SRGAP3: variants seen among roughly 807,000 people sequenced by gnomAD.
The protein encoded by SRGAP3 is SLIT-ROBO Rho GTPase activating protein 3.
A neutral mutation model predicts 121.1 loss-of-function variants in SRGAP3; 39 were observed. That is an observed-to-expected ratio of 0.32 (90% CI 0.25 to 0.42). SRGAP3 has a LOEUF of 0.42. Ranked by LOEUF, SRGAP3 falls within the 10% of genes least tolerant of loss-of-function variation. The probability of loss-of-function intolerance (pLI) is 1.00; values close to 1 mark genes in which losing one functional copy is unlikely to be tolerated. For missense variants in SRGAP3, 1,213 were observed against 1,470.6 expected, an observed-to-expected ratio of 0.82 and a Z score of 2.86; for synonymous variants, 601 against 570.0, an observed-to-expected ratio of 1.05 and a Z score of -0.77.
Position 9,015,633 on chromosome 3 carries a change from G to T in SRGAP3, c.1777C>A (p.Pro593Thr). ...YFRGLENPLF[P>T]KERFQDLIST... ...ATCAAATCTTGAAACCTTTCCTTAG[G>T]AAAGAGTGGGTTTTCCAGTCCTCGG... The change falls in exon 15 of 22, where the codon CCT (proline) becomes ACT (threonine). Residue 593 changes from proline to threonine, a missense_variant. This residue lies in a region of SRGAP3 where 793 missense variants were observed against 1,032.9 expected (regional missense o/e 0.77). Coordinates refer to ENST00000383836, the MANE Select transcript of SRGAP3 (RefSeq NM_014850.4). 1 of 1,614,112 alleles carries T rather than the reference G, an allele frequency of 6.2e-7. No individual in the cohort carries two copies. Among genetic ancestry groups the T allele is most frequent in the South Asian group, 1.1e-5 (1 of 91,074 alleles).
chr3:8,983,925 T>C lies in SRGAP3; in HGVS notation c.*1594A>G, dbSNP rs954753685. The C allele has an allele frequency of 5.2e-5, 12 of 229,546 alleles. No homozygotes were observed. Among genetic ancestry groups the C allele is most frequent in the African/African-American group, 2.7e-4 (12 of 45,174 alleles). The allele number at this position is 229,546 out of a possible 1,614,324, so 14.2% of individuals were successfully genotyped here. Reference sequence around the variant, plus strand: ...CGAGAGAGAGGAAGCGTGGGAACAGTAGGGAAAAGCCCCTGGGTCTCGCAG... The same window carrying C: ...CGAGAGAGAGGAAGCGTGGGAACAGCAGGGAAAAGCCCCTGGGTCTCGCAG... On this transcript the variant is annotated 3_prime_UTR_variant, in exon 22 of 22. Coordinates refer to ENST00000383836, the MANE Select transcript of SRGAP3 (RefSeq NM_014850.4).
intron 3 of SRGAP3, among the ~76,000 whole-genome samples, chr3:9,098,246 G>C (rs1464485539): frequency 6.6e-6 from 1 of 152,138 alleles, no homozygotes; most frequent in Non-Finnish European, 1.5e-5. Context: ...GGAGGACATT[G>C]TGTCTGAGTC....
At chr3:9,038,211 T>C in intron 10 of SRGAP3, 121 bp from the exon 11 acceptor site, 1 of 1,376,754 alleles carries the variant, frequency 7.3e-7, no homozygotes, top group Non-Finnish European at 1.0e-6. Context: ...TGAAATCTAA[T>C]TATGCCTAAG....
intron 1 of SRGAP3, chr3:9,193,688 C>G (rs1951831499): frequency 6.6e-6 from 1 of 152,326 alleles, no homozygotes; most frequent in African/African-American, 2.4e-5. Flanking sequence ...AACGTCTCCC[C>G]TTGGCCTGGG....
chr3:9,162,185 C>T (rs557455191), intron 1 of SRGAP3, among the ~76,000 whole-genome samples: 10 of 151,712 alleles, frequency 6.6e-5, no homozygotes, highest in Admixed American at 1.3e-4. Flanking sequence ...GTTTCAGTTG[C>T]GGAAGAAAAA....
Position 8,981,550 on chromosome 3 carries a change from CA to C in SRGAP3, c.*3968del. The C allele has an allele frequency of 4.3e-6, 1 of 232,968 alleles. No homozygotes were observed. The highest frequency in any genetic ancestry group is 8.5e-6 in the Non-Finnish European group (1 of 117,566). The allele number at this position is 232,968 out of a possible 1,614,324, so 14.4% of individuals were successfully genotyped here. A position where few individuals can be genotyped will look rare whatever the true frequency, so the allele number is the denominator to read the frequency against. On this transcript the variant is annotated 3_prime_UTR_variant, in exon 22 of 22. Coordinates refer to ENST00000383836, the MANE Select transcript of SRGAP3 (RefSeq NM_014850.4). ...CATGCACTGAATGCCACATCACGAC[CA>C]GGTCACGAGAAGTCCTCCACATTCG...
intron 3 of SRGAP3, among the ~76,000 whole-genome samples, chr3:9,097,575 T>C (rs1948037030): frequency 6.6e-6 from 1 of 152,180 alleles, no homozygotes; most frequent in African/African-American, 2.4e-5. Flanking sequence ...TCTGCTTTGG[T>C]GTGGATTCCG....
intron 15 of SRGAP3, 100 bp from the exon 16 acceptor site, chr3:9,013,942 G>A (rs1293232364): frequency 9.4e-7 from 1 of 1,059,474 alleles, no homozygotes; most frequent in South Asian, 1.3e-5. Context: ...ACGTGGATGG[G>A]GGAGCCAGCT....
At chr3:9,020,387 G>A (rs1474169847) in intron 14 of SRGAP3, among the ~76,000 whole-genome samples, 1 of 151,936 alleles carries the variant, frequency 6.6e-6, no homozygotes, top group Admixed American at 6.6e-5. Flanking sequence ...TTGAACTGGG[G>A]TGGGGGATGT....
intron 1 of SRGAP3, among the ~76,000 whole-genome samples, chr3:9,223,339 C>T (rs1952878526): frequency 6.6e-6 from 1 of 152,130 alleles, no homozygotes; most frequent in Admixed American, 6.5e-5. Context: ...CCAATAATTA[C>T]ACTGTAAAGA....
intron 1 of SRGAP3, among the ~76,000 whole-genome samples, chr3:9,213,517 C>T (rs376787720): frequency 6.6e-6 from 1 of 152,300 alleles, no homozygotes; most frequent in East Asian, 1.9e-4. Context: ...TTCATCTGTG[C>T]TGTTTCTGGT....
intron 1 of SRGAP3, among the ~76,000 whole-genome samples, chr3:9,202,528 T>G (rs1952102645): frequency 6.6e-6 from 1 of 152,198 alleles, no homozygotes; most frequent in African/African-American, 2.4e-5. Flanking sequence ...AGCAAAGACC[T>G]GCACTCTAAA....
intron 19 of SRGAP3, chr3:8,993,948 G>T: frequency 4.1e-6 from 1 of 241,678 alleles, no homozygotes; most frequent in Non-Finnish European, 8.2e-6. Context: ...TCAGAAACAA[G>T]GGCATGTTTC....
Position 9,043,350 on chromosome 3 carries a change from C to T in SRGAP3, c.1408+4041G>A, listed in dbSNP as rs999262569. Among the ~76,000 whole-genome samples, 8 of 152,168 alleles carry T rather than the reference C, an allele frequency of 5.3e-5. No homozygotes were observed. The East Asian group carries it at 5.8e-4, about 11-fold the overall frequency. ...ATTGTTTACTTAGTAGTTTGTTTAC[C>T]GTTTGAGGTCTCTCTTTTCCATGAG... On this transcript the variant is annotated intron_variant, in intron 10 of 21. Coordinates refer to ENST00000383836, the MANE Select transcript of SRGAP3 (RefSeq NM_014850.4).
chr3:9,344,763 G>C (rs973702417), intron 1 of SRGAP3, among the ~76,000 whole-genome samples: 1 of 152,080 alleles, frequency 6.6e-6, no homozygotes, highest in African/African-American at 2.4e-5. Flanking sequence ...TTGGCCAAGC[G>C]TGGTGGCTCA....
At chr3:9,312,446 C>T (rs932930879) in intron 3 of SRGAP3, among the ~76,000 whole-genome samples, 2 of 152,178 alleles carry the variant, frequency 1.3e-5, no homozygotes, top group African/African-American at 2.4e-5. Context: ...CGTGAGCCAC[C>T]GCACCTGGCC....
chr3:9,021,052 T>C lies in SRGAP3; in HGVS notation c.1678+4209A>G, dbSNP rs1039694250. ...GGAAGCTTGGAGTCAGTCTCTCTCA[T>C]GAGGGCAGTTCTCTCTGGCCACAGG... On this transcript the variant is annotated intron_variant, in intron 14 of 21. Transcript: ENST00000383836. Among the ~76,000 whole-genome samples, 4 of 152,224 alleles carry C rather than the reference T, an allele frequency of 2.6e-5. No individual in the cohort carries two copies. The East Asian group carries it at 7.7e-4, about 29-fold the overall frequency.
At chr3:9,191,532 G>C (rs1361449322) in intron 1 of SRGAP3, among the ~76,000 whole-genome samples, 1 of 152,206 alleles carries the variant, frequency 6.6e-6, no homozygotes, top group Non-Finnish European at 1.5e-5. Flanking sequence ...ATCAGGGAAG[G>C]CTCCACACAG....
Position 8,994,471 on chromosome 3 carries a change from C to G in SRGAP3, c.2280G>C (p.Pro760=). ...IAKFDYMGRS[P]RELSFKKGAS... ...CCCCCTTCTTGAAGGATAGCTCACG[C>G]GGGGACCGCCCCATGTAGTCAAACT... is the stretch of plus-strand genomic sequence containing the variant. Residue 760 remains proline, a synonymous_variant, in exon 19 of 22, where the codon CCG becomes CCC. Coordinates refer to ENST00000383836, the MANE Select transcript of SRGAP3 (RefSeq NM_014850.4). 1 of 1,614,116 alleles carries G rather than the reference C, an allele frequency of 6.2e-7. No individual in the cohort carries two copies. Among genetic ancestry groups the G allele is most frequent in the Non-Finnish European group, 8.5e-7 (1 of 1,180,022 alleles).
Sources: gnomAD v4.1 joint callset for allele counts (sites outside exome capture counted in the v4.1 genomes callset) on GRCh38, gnomAD v4.1.1 for gene constraint, gnomAD v4.1.1 regional missense constraint, MANE v1.5 for transcripts, NCBI Gene and HGNC (gene_info 2026-07-23, HGNC 2026-07-21) for gene names.